Variants in APOH observed in about 807,000 individuals in gnomAD.
APOH encodes the protein beta-2-glycoprotein 1.
A neutral mutation model predicts 39.8 loss-of-function variants in APOH; 48 were observed. The observed-to-expected ratio is 1.21, with a 90% CI of 0.96 to 1.54. The LOEUF (loss-of-function observed/expected upper bound fraction) is 1.54, where lower values mean the gene tolerates loss of function less well. Among genes scored for constraint, APOH ranks in the 40% most tolerant of loss-of-function variants. APOH has a pLI of 0.00. For synonymous variants in APOH, 153 were observed against 151.1 expected (o/e 1.01, Z -0.09); for missense variants, 415 against 421.2 (o/e 0.99, Z 0.13).
chr17:66,224,757 G>A (rs1200008739), intron 3 of APOH, among the ~76,000 whole-genome samples: 1 of 147,196 alleles, frequency 6.8e-6, no homozygotes, highest in African/African-American at 2.5e-5. Context: ...GGAAAGGAAA[G>A]GAAAGGAAAG....
At chr17:66,224,933 G>A (rs146624828) in intron 3 of APOH, among the ~76,000 whole-genome samples, 5 of 151,916 alleles carry the variant, frequency 3.3e-5, no homozygotes, top group Admixed American at 1.3e-4. Context: ...TGGGTGTGGT[G>A]GTAGGCGCCT....
At position 66,212,334 on chromosome 17, in the gene APOH, T is replaced by A. The variant is rs1232434933; in HGVS notation, c.983-146A>T. On this transcript the variant is annotated intron_variant, in intron 7 of 7. Coordinates refer to ENST00000205948, the MANE Select transcript of APOH (RefSeq NM_000042.3). ...GAAACCATTTAGTGTGAGGTTTAAG[T>A]GATGGGAGAAAACATTAGGGAAATG... 7.8e-6 allele frequency: 5 copies of A among 640,122 alleles called. No individual in the cohort carries two copies. In the Admixed American group the frequency reaches 1.2e-4, roughly 15 times the overall value. The allele number at this position is 640,122 out of a possible 1,614,324, so 39.7% of individuals were successfully genotyped here.
intron 7 of APOH, among the ~76,000 whole-genome samples, 194 bp from the exon 8 acceptor site, chr17:66,212,382 C>G (rs1190138579): frequency 6.6e-6 from 1 of 151,978 alleles, no homozygotes; most frequent in Non-Finnish European, 1.5e-5. Context: ...TTTTCTTTTT[C>G]TTTTTCTTTT....
intron 4 of APOH, among the ~76,000 whole-genome samples, chr17:66,221,174 C>G (rs1313081477): frequency 6.8e-6 from 1 of 147,950 alleles, no homozygotes; most frequent in Non-Finnish European, 1.5e-5. Context: ...GCCTGGGCAA[C>G]AGAGTGAGTC....
intron 5 of APOH, among the ~76,000 whole-genome samples, chr17:66,218,328 GAC>G (rs2073377641): frequency 6.4e-5 from 9 of 140,506 alleles, no homozygotes; most frequent in Admixed American, 6.3e-4. Context: ...TTTTTTTTTT[GAC>G]ACAGAGTCTC....
Position 66,216,982 on chromosome 17 carries a change from C to G in APOH, c.605-15G>C. On this transcript the variant is annotated splice_polypyrimidine_tract_variant and intron_variant, in intron 5 of 7. Transcript: ENST00000205948. Reference sequence around the variant, plus strand: ...GCATTTTACTTCTAAAACATTTATTCAATAAGACATATTAGTAATAAATAG... The same window carrying G: ...GCATTTTACTTCTAAAACATTTATTGAATAAGACATATTAGTAATAAATAG... 1 of 1,568,904 alleles carries G rather than the reference C, an allele frequency of 6.4e-7. No homozygotes were observed. Among genetic ancestry groups the G allele is most frequent in the Non-Finnish European group, 8.6e-7 (1 of 1,158,468 alleles).
intron 6 of APOH, among the ~76,000 whole-genome samples, chr17:66,214,984 C>A (rs1471487190): frequency 6.6e-6 from 1 of 151,362 alleles, no homozygotes; most frequent in African/African-American, 2.4e-5. Context: ...ACTCTGCCCT[C>A]TCAGATTGCA....
chr17:66,216,058 G>C (rs879720662), intron 6 of APOH, among the ~76,000 whole-genome samples: 6 of 151,716 alleles, frequency 4.0e-5, no homozygotes, highest in Non-Finnish European at 5.9e-5. Context: ...AAAAGGGGTG[G>C]GCATGGTGGC....
At chr17:66,220,029 C>T (rs2073387863) in intron 5 of APOH, among the ~76,000 whole-genome samples, 1 of 152,186 alleles carries the variant, frequency 6.6e-6, no homozygotes, top group Admixed American at 6.5e-5. Flanking sequence ...AAATAATTTT[C>T]ATAATTTCTT....
intron 7 of APOH, among the ~76,000 whole-genome samples, chr17:66,213,075 T>C (rs2073344992): frequency 6.6e-6 from 1 of 152,330 alleles, no homozygotes; most frequent in Middle Eastern, 3.4e-3. Flanking sequence ...TTTTAATCAG[T>C]TATCATTCCC....
intron 1 of APOH, among the ~76,000 whole-genome samples, chr17:66,228,895 G>A (rs1440492653): frequency 6.6e-6 from 1 of 151,722 alleles, no homozygotes; most frequent in East Asian, 1.9e-4. Context: ...TGCAATGGGG[G>A]GACCTCGGCT....
intron 7 of APOH, 141 bp from the exon 8 acceptor site, chr17:66,212,329 T>A (rs1383541262): frequency 1.5e-6 from 1 of 649,242 alleles, no homozygotes; most frequent in Non-Finnish European, 2.7e-6. Context: ...AGTGTGAGGT[T>A]TAAGTGATGG....
intron 5 of APOH, among the ~76,000 whole-genome samples, chr17:66,218,800 G>C (rs535703956): frequency 6.6e-6 from 1 of 151,886 alleles, no homozygotes; most frequent in Non-Finnish European, 1.5e-5. Context: ...ATTTTAGTTC[G>C]GGAGTTTGAG....
chr17:66,214,650 G>A lies in APOH; in HGVS notation c.785C>T (p.Ala262Val). 1 of 1,608,792 alleles carries A rather than the reference G, an allele frequency of 6.2e-7. No homozygotes were observed. Among genetic ancestry groups the A allele is most frequent in the Non-Finnish European group, 8.5e-7 (1 of 1,176,366 alleles). ...GNWSAMPSCK[A>V]SCKVPVKKAT... is the part of the protein sequence containing the mutation. ...TTTTTTCACAGGTACTTTACAAGAT[G>A]CTGAAAGAGAGAATACTTGTAATCA... The change falls in exon 7 of 8, where the codon GCA (alanine) becomes GTA (valine). Residue 262 changes from alanine to valine, a missense_variant and splice_region_variant. Transcript: ENST00000205948.
Position 66,225,104 on chromosome 17 carries a change from C to T in APOH, c.338+924G>A, listed in dbSNP as rs111493906. ...AAAGAAAAATGTAACATTATGTCTT[C>T]GAAGCCAATTTTCTTAAGGTCATTT... is the stretch of plus-strand genomic sequence containing the variant. On this transcript the variant is annotated intron_variant, in intron 3 of 7. Coordinates refer to ENST00000205948, the MANE Select transcript of APOH (RefSeq NM_000042.3). 7.5e-3 allele frequency among the ~76,000 whole-genome samples: 1,134 copies of T among 151,848 alleles called. 18 individuals carry two copies. Among genetic ancestry groups the T allele is most frequent in the African/African-American group, 0.026 (1,075 of 41,424 alleles).
rs779558997 is a variant in APOH at position 66,223,743 on chromosome 17, A to ACTTGGCAGAATCAGCGCC, written c.352_369dup (p.Gly118_Lys123dup). 15 of 1,612,784 alleles carry ACTTGGCAGAATCAGCGCC rather than the reference A, an allele frequency of 9.3e-6. No individual in the cohort carries two copies. Among genetic ancestry groups the ACTTGGCAGAATCAGCGCC allele is most frequent in the Admixed American group, 3.3e-5 (2 of 60,004 alleles). ...GGGCTCCATTTTCCTTCCTCAGTGC[A>ACTTGGCAGAATCAGCGCC]CTTGGCAGAATCAGCGCCATTCAGA... On this transcript the variant is annotated inframe_insertion, in exon 4 of 8. Coordinates refer to ENST00000205948, the MANE Select transcript of APOH (RefSeq NM_000042.3).
intron 5 of APOH, among the ~76,000 whole-genome samples, chr17:66,219,796 G>C (rs1319421701): frequency 2.0e-5 from 3 of 152,046 alleles, no homozygotes; most frequent in African/African-American, 7.2e-5. Flanking sequence ...ACGGGCACCT[G>C]TAATCCCGGC....
intron 2 of APOH, among the ~76,000 whole-genome samples, chr17:66,227,458 C>G (rs1469358543): frequency 1.3e-5 from 2 of 152,068 alleles, no homozygotes; most frequent in Non-Finnish European, 2.9e-5. Context: ...ATCATAGAAC[C>G]ATGTTCTAAG....
chr17:66,216,387 G>T (rs916232265), intron 6 of APOH, among the ~76,000 whole-genome samples: 1 of 151,766 alleles, frequency 6.6e-6, no homozygotes, highest in African/African-American at 2.4e-5. Context: ...GGGAGGCTGA[G>T]GTAGGAGAAT....
Sources: gnomAD v4.1 joint callset for allele counts (sites outside exome capture counted in the v4.1 genomes callset) on GRCh38, gnomAD v4.1.1 for gene constraint, MANE v1.5 for transcripts, NCBI Gene and HGNC (gene_info 2026-07-23, HGNC 2026-07-21) for gene names.